The following UFL1 variants were observed in gnomAD, a reference collection of about 807,000 sequenced individuals.
The protein encoded by UFL1 is E3 UFM1-protein ligase 1.
Under a neutral mutation model 99.3 loss-of-function variants are expected in UFL1, and 78 were observed. The observed-to-expected ratio is 0.79, with a 90% CI of 0.65 to 0.95. UFL1 has a LOEUF of 0.95. UFL1 is among the 40% of genes least tolerant of loss of function. The probability of loss-of-function intolerance (pLI) is 0.00; values close to 1 mark genes in which losing one functional copy is unlikely to be tolerated. For missense variants in UFL1, 936 were observed against 937.0 expected (o/e 1.00, Z 0.01); for synonymous variants, 335 against 322.2 (o/e 1.04, Z -0.42).
intron 6 of UFL1, among the ~76,000 whole-genome samples, chr6:96,531,220 G>A (rs975999354): frequency 6.6e-6 from 1 of 151,892 alleles, no homozygotes; most frequent in Non-Finnish European, 1.5e-5. Flanking sequence ...AAAGGATGGG[G>A]ACCGTTGAAC....
chr6:96,549,340 G>A (rs1770043211), intron 13 of UFL1, 72 bp from the exon 14 acceptor site: 2 of 1,235,754 alleles, frequency 1.6e-6, no homozygotes, highest in Non-Finnish European at 1.1e-6. Context: ...TATTTCCATA[G>A]AAACAAAATT....
intron 6 of UFL1, among the ~76,000 whole-genome samples, chr6:96,532,437 T>C (rs1582439222): frequency 6.6e-6 from 1 of 152,194 alleles, no homozygotes; most frequent in Non-Finnish European, 1.5e-5. Flanking sequence ...CCAAAACTTA[T>C]GTTGCAGTTT....
intron 11 of UFL1, among the ~76,000 whole-genome samples, chr6:96,542,139 A>G (rs1326797899): frequency 1.3e-5 from 2 of 151,316 alleles, no homozygotes; most frequent in Non-Finnish European, 1.5e-5. Flanking sequence ...TAGAGTAGAT[A>G]TTTTACATGT....
At position 96,551,835 on chromosome 6, in the gene UFL1, CAGAGCATAGA is replaced by C; in HGVS notation, c.1901_1910del (p.Ser634ThrfsTer17). 1 of 1,588,868 alleles carries C rather than the reference CAGAGCATAGA, an allele frequency of 6.3e-7. No homozygotes were observed. The highest frequency in any genetic ancestry group is 8.6e-7 in the Non-Finnish European group (1 of 1,165,624). On this transcript the variant is annotated splice_acceptor_variant and coding_sequence_variant, in exon 17 of 19. Transcript: ENST00000369278. LOFTEE classifies it high-confidence loss of function. ...TAAATTATGGTATTCAATGCCTTTT[CAGAGCATAGA>C]AGACTTTATTTCTTGTCTGGATTCT...
At position 96,521,930 on chromosome 6, in the gene UFL1, G is replaced by A. The variant is rs746919999; in HGVS notation, c.57G>A (p.Gln19=). The A allele has an allele frequency of 9.9e-6, 16 of 1,612,416 alleles. No individual in the cohort carries two copies. The African/African-American group carries it at 2.1e-4, about 22-fold the overall frequency. ...TGGCGGCCGACTTCCAGCGGGCGCA[G>A]TTCGCCGAGGCCACGCAGAGGTGCC... The part of the protein sequence containing the change: ...RRLAADFQRA[Q]FAEATQRLSE... The change falls in exon 1 of 19, where the codon CAG becomes CAA. Residue 19 remains glutamine (Q), a synonymous_variant. Transcript: ENST00000369278.
chr6:96,552,928 T>C (rs1372594855), intron 18 of UFL1, among the ~76,000 whole-genome samples: 1 of 152,126 alleles, frequency 6.6e-6, no homozygotes, highest in Non-Finnish European at 1.5e-5. Flanking sequence ...TTCTTTAGGT[T>C]TAACTTATCC....
At chr6:96,533,224 G>A (rs1412097473) in intron 6 of UFL1, among the ~76,000 whole-genome samples, 1 of 151,392 alleles carries the variant, frequency 6.6e-6, no homozygotes, top group East Asian at 1.9e-4. Flanking sequence ...AAAAACTATA[G>A]TTATTACAAA....
Position 96,551,928 on chromosome 6 carries a change from C to T in UFL1, c.1985+5C>T. On this transcript the variant is annotated splice_donor_5th_base_variant and intron_variant, in intron 17 of 18. Transcript: ENST00000369278. ...GGGAGACAAAAAAAGGGAAAGGTAA[C>T]ATTAAATTAATCTATATTTGGAAAT... is the stretch of plus-strand genomic sequence containing the variant. 4 of 1,576,290 alleles carry T rather than the reference C, an allele frequency of 2.5e-6. No homozygotes were observed. The highest frequency in any genetic ancestry group is 3.5e-6 in the Non-Finnish European group (4 of 1,152,030).
intron 8 of UFL1, among the ~76,000 whole-genome samples, chr6:96,536,711 A>G (rs1769859392): frequency 6.6e-6 from 1 of 151,702 alleles, no homozygotes; most frequent in Admixed American, 6.6e-5. Flanking sequence ...CCAATCTTTC[A>G]GTTACATTTA....
At chr6:96,551,376 T>G in intron 15 of UFL1, 57 bp from the exon 16 acceptor site, 1 of 912,712 alleles carries the variant, frequency 1.1e-6, no homozygotes, top group Non-Finnish European at 1.7e-6. Flanking sequence ...CACTTTATCT[T>G]ATATCCATTG....
rs182226869 is a variant in UFL1 at position 96,528,194 on chromosome 6, A to G, written c.466-308A>G. 7.9e-5 allele frequency among the ~76,000 whole-genome samples: 12 copies of G among 152,356 alleles called. No homozygotes were observed. The East Asian group carries it at 2.3e-3, about 29-fold the overall frequency. ...TATCTAGAAACCATCATATCAAATA[A>G]TCATCATATTGATAGTCATTTTTAT... On this transcript the variant is annotated intron_variant, in intron 5 of 18. Coordinates refer to ENST00000369278, the MANE Select transcript of UFL1 (RefSeq NM_015323.5).
At chr6:96,526,516 A>C (rs886521741) in intron 5 of UFL1, 81 bp downstream of exon 5, 4 of 1,076,010 alleles carry the variant, frequency 3.7e-6, no homozygotes, top group East Asian at 2.5e-5. Flanking sequence ...GGGGAAAAAA[A>C]AATGAGACTT....
chr6:96,531,980 G>A (rs1401798953), intron 6 of UFL1, among the ~76,000 whole-genome samples: 2 of 152,156 alleles, frequency 1.3e-5, no homozygotes, highest in Admixed American at 1.3e-4. Context: ...AACTTCAAAG[G>A]AGACACCTGC....
intron 8 of UFL1, among the ~76,000 whole-genome samples, chr6:96,537,095 G>T (rs1351905434): frequency 2.0e-5 from 3 of 151,560 alleles, no homozygotes; most frequent in Admixed American, 2.0e-4. Flanking sequence ...TAAGTCCTTA[G>T]TATATAAATA....
At position 96,552,464 on chromosome 6, in the gene UFL1, G is replaced by GC; in HGVS notation, c.1986-17dup. 5 of 1,448,440 alleles carry GC rather than the reference G, an allele frequency of 3.5e-6. No individual in the cohort carries two copies. In the African/African-American group the frequency reaches 5.8e-5, roughly 17 times the overall value. The allele number at this position is 1,448,440 out of a possible 1,614,324, so 89.7% of individuals were successfully genotyped here. A position where few individuals can be genotyped will look rare whatever the true frequency, so the allele number is the denominator to read the frequency against. ...TTAAATTATGATAATGAATTTGTGT[G>GC]CTTTTTTTTTTTTTTAGACAGATAC... is the stretch of plus-strand genomic sequence containing the variant. On this transcript the variant is annotated splice_polypyrimidine_tract_variant and intron_variant, in intron 17 of 18. Transcript: ENST00000369278.
At chr6:96,541,046 C>G (rs924479767) in intron 11 of UFL1, among the ~76,000 whole-genome samples, 3 of 151,344 alleles carry the variant, frequency 2.0e-5, no homozygotes, top group Non-Finnish European at 4.4e-5. Context: ...CTCTCCCAGA[C>G]TGTAAGTAAC....
At chr6:96,529,179 G>A (rs924992800) in intron 6 of UFL1, among the ~76,000 whole-genome samples, 9 of 152,172 alleles carry the variant, frequency 5.9e-5, no homozygotes, top group Admixed American at 3.3e-4. Flanking sequence ...ATTTGGGTCT[G>A]TGTGACAGAC....
chr6:96,525,298 T>A lies in UFL1; in HGVS notation c.254T>A (p.Val85Glu). 1.9e-5 allele frequency: 30 copies of A among 1,583,244 alleles called. No individual in the cohort carries two copies. The highest frequency in any genetic ancestry group is 2.6e-5 in the Non-Finnish European group (30 of 1,160,570). Residue 85 changes from valine (V) to glutamate (E), a missense_variant and splice_region_variant, in exon 4 of 19, where the codon GTA becomes GAA. Val to Glu is a moderately radical substitution (Grantham distance 121). Transcript: ENST00000369278. ...GRVNIVDLQQ[V>E]INVDLIHIEN... ...ATAGATTTTGTATTTGTTTTCCAGG[T>A]AATTAATGTGGACCTGATTCATATT...
At chr6:96,551,739 T>A in intron 16 of UFL1, 99 bp from the exon 17 acceptor site, 2 of 870,474 alleles carry the variant, frequency 2.3e-6, no homozygotes, top group Non-Finnish European at 3.5e-6. Flanking sequence ...TTTTAAAAAT[T>A]GTATTTGGGA....
Sources: allele counts gnomAD v4.1 joint callset (sites outside exome capture counted in the v4.1 genomes callset), GRCh38; gene constraint gnomAD v4.1.1; transcripts MANE v1.5; gene names NCBI Gene and HGNC (gene_info 2026-07-23, HGNC 2026-07-21).